Variants in PPP1R12A observed in about 807,000 individuals in gnomAD.
PPP1R12A encodes the protein protein phosphatase 1 regulatory subunit 12A, also known as myosin binding subunit.
PPP1R12A carries 19 observed loss-of-function variants against 139.6 expected under a neutral mutation model. That is an observed-to-expected ratio of 0.14 (90% CI 0.09 to 0.20). The LOEUF is 0.20. Ranked by LOEUF, PPP1R12A falls within the 10% of genes least tolerant of loss-of-function variation. PPP1R12A has a pLI of 1.00. For missense variants in PPP1R12A, 925 were observed against 1,211.5 expected, an observed-to-expected ratio of 0.76 and a Z score of 3.51; for synonymous variants, 427 against 420.6, an observed-to-expected ratio of 1.02 and a Z score of -0.19.
intron 1 of PPP1R12A, among the ~76,000 whole-genome samples, chr12:79,886,633 A>T (rs1234542179): frequency 6.6e-6 from 1 of 152,180 alleles, no homozygotes; most frequent in Non-Finnish European, 1.5e-5. Context: ...AGAGATCACA[A>T]TATATATTTG....
In PPP1R12A at chr12:79,817,472, A is replaced by G. The variant is rs1438502231; in HGVS notation, c.1161T>C (p.Ser387=). The G allele has an allele frequency of 6.2e-7, 1 of 1,607,210 alleles. No homozygotes were observed. Among genetic ancestry groups the G allele is most frequent in the Non-Finnish European group, 8.5e-7 (1 of 1,176,034 alleles). The change falls in exon 9 of 25, where the codon AGT becomes AGC. Residue 387 remains serine (S), a synonymous_variant. Transcript: ENST00000450142. ...TAACAGCTACAGGAGCTGCTTGTGT[A>G]CTAGAAGTGTTGGCATTAGTTACAG... ...LASVTNANTS[S]TQAAPVAVTT...
At chr12:79,890,964 C>T (rs2137424141) in intron 1 of PPP1R12A, among the ~76,000 whole-genome samples, 1 of 149,314 alleles carries the variant, frequency 6.7e-6, no homozygotes, top group East Asian at 2.0e-4. Flanking sequence ...CTCTCTCTCT[C>T]TTTCTCTCTC....
At chr12:79,845,193 T>C in intron 3 of PPP1R12A, 109 bp downstream of exon 3, 2 of 811,446 alleles carry the variant, frequency 2.5e-6, no homozygotes, top group Non-Finnish European at 3.9e-6. Flanking sequence ...GCTGAATTCA[T>C]TTTTTTCATG....
At chr12:79,925,299 T>C (rs1887753160) in intron 1 of PPP1R12A, among the ~76,000 whole-genome samples, 1 of 152,148 alleles carries the variant, frequency 6.6e-6, no homozygotes, top group Non-Finnish European at 1.5e-5. Context: ...CATGAAAATA[T>C]ACTTTCCCAC....
chr12:79,934,716 G>A lies in PPP1R12A; in HGVS notation c.216C>T (p.Asp72=). 1.3e-6 allele frequency: 2 copies of A among 1,546,384 alleles called. No homozygotes were observed. Among genetic ancestry groups the A allele is most frequent in the South Asian group, 1.2e-5 (1 of 83,678 alleles). The part of the protein sequence containing the change: ...RGADINYANV[D]GLTALHQACI... ...AGACCTGGTGCAGGGCAGTGAGTCC[G>A]TCCACATTGGCGTAATTGATGTCGG... is the stretch of plus-strand genomic sequence containing the variant. Residue 72 remains aspartate (D), a synonymous_variant, in exon 1 of 25, where the codon GAC becomes GAT. Coordinates refer to ENST00000450142, the MANE Select transcript of PPP1R12A (RefSeq NM_002480.3).
At chr12:79,823,704 C>G (rs1257680834) in intron 5 of PPP1R12A, 1 of 152,262 alleles carries the variant, frequency 6.6e-6, no homozygotes, top group African/African-American at 2.4e-5. Flanking sequence ...AGGTGATCCT[C>G]CCACTTCAGC....
upstream of PPP1R12A, chr12:79,935,369 G>T (rs1888590103): frequency 7.0e-6 from 7 of 999,566 alleles, no homozygotes; most frequent in South Asian, 2.6e-4. Flanking sequence ...AGGAGGAAGC[G>T]GGGAAGGAAG....
At position 79,861,017 on chromosome 12, in the gene PPP1R12A, A is replaced by C. The variant is rs1183656303; in HGVS notation, c.368+11791T>G. 3.9e-5 allele frequency among the ~76,000 whole-genome samples: 6 copies of C among 152,310 alleles called. No individual in the cohort carries two copies. In the East Asian group the frequency reaches 1.2e-3, roughly 29 times the overall value. ...CAGGTTAGAAGAAGTTAAAGAAAAAAACACTTTGGTGCTGATTTCGACCTG... is the reference window on the plus strand; with the variant it reads ...CAGGTTAGAAGAAGTTAAAGAAAAACACACTTTGGTGCTGATTTCGACCTG... On this transcript the variant is annotated intron_variant, in intron 2 of 24. Coordinates refer to ENST00000450142, the MANE Select transcript of PPP1R12A (RefSeq NM_002480.3).
intron 19 of PPP1R12A, among the ~76,000 whole-genome samples, chr12:79,791,706 G>A (rs1340196595): frequency 6.6e-6 from 1 of 152,144 alleles, no homozygotes; most frequent in Non-Finnish European, 1.5e-5. Context: ...ATTTTTTAGA[G>A]TATATAGTTC....
At chr12:79,920,037 C>T (rs1887316716) in intron 1 of PPP1R12A, among the ~76,000 whole-genome samples, 1 of 152,204 alleles carries the variant, frequency 6.6e-6, no homozygotes, top group South Asian at 2.1e-4. Flanking sequence ...CCCCTCAACA[C>T]CTCTAGTTTC....
intron 1 of PPP1R12A, among the ~76,000 whole-genome samples, chr12:79,899,742 T>C (rs1456813645): frequency 6.6e-6 from 1 of 152,006 alleles, no homozygotes; most frequent in Non-Finnish European, 1.5e-5. Flanking sequence ...ACATAAGGAG[T>C]GGAATTTCTC....
Position 79,892,247 on chromosome 12 carries a change from T to C in PPP1R12A, c.238-19309A>G, listed in dbSNP as rs115880386. The stretch of plus-strand genomic sequence containing the variant: ...AGTTACCTAAACTTAGTCCTCTCTC[T>C]CCACTTGCACAAATTCAAAGCTCTA... On this transcript the variant is annotated intron_variant, in intron 1 of 24. Transcript: ENST00000450142. Among the ~76,000 whole-genome samples, 533 of 152,298 alleles carry C rather than the reference T, an allele frequency of 3.5e-3. 3 individuals are homozygous for C. Among genetic ancestry groups the C allele is most frequent in the African/African-American group, 0.013 (520 of 41,564 alleles).
chr12:79,799,401 C>T (rs1047877884), intron 14 of PPP1R12A, among the ~76,000 whole-genome samples: 6 of 152,152 alleles, frequency 3.9e-5, no homozygotes, highest in Non-Finnish European at 5.9e-5. Flanking sequence ...CTGCCTGTCT[C>T]GACCTCAGAG....
At chr12:79,872,229 GA>G (rs1882651228) in intron 2 of PPP1R12A, among the ~76,000 whole-genome samples, 1 of 151,888 alleles carries the variant, frequency 6.6e-6, no homozygotes, top group Non-Finnish European at 1.5e-5. Flanking sequence ...ATAATTTAAT[GA>G]AAAAATTATT....
At chr12:79,924,025 C>T (rs911113384) in intron 1 of PPP1R12A, among the ~76,000 whole-genome samples, 3 of 151,828 alleles carry the variant, frequency 2.0e-5, no homozygotes, top group African/African-American at 7.3e-5. Context: ...GCCTGGGAGA[C>T]AGAGCAAGAC....
chr12:79,829,665 A>G (rs1455316447), intron 4 of PPP1R12A, among the ~76,000 whole-genome samples: 1 of 152,108 alleles, frequency 6.6e-6, no homozygotes, highest in Admixed American at 6.6e-5. Flanking sequence ...GTCCAAAGAA[A>G]TATCTCCACT....
At chr12:79,896,227 C>T (rs1463474053) in intron 1 of PPP1R12A, among the ~76,000 whole-genome samples, 7 of 151,912 alleles carry the variant, frequency 4.6e-5, no homozygotes, top group Non-Finnish European at 1.0e-4. Context: ...TAAAACATCC[C>T]TAATATTGAC....
chr12:79,833,847 A>AG (rs58316777), intron 3 of PPP1R12A, among the ~76,000 whole-genome samples: 1 of 9,640 alleles, frequency 1.0e-4, no homozygotes, highest in Non-Finnish European at 1.7e-3. Context: ...AAAGAAAAGG[A>AG]AAAAAAAAAA....
intron 1 of PPP1R12A, among the ~76,000 whole-genome samples, chr12:79,877,303 A>G (rs552578699): frequency 1.3e-5 from 2 of 152,348 alleles, no homozygotes; most frequent in East Asian, 3.9e-4. Context: ...TGATAAAAGA[A>G]TACATAGGCA....
Sources: allele counts gnomAD v4.1 joint callset (sites outside exome capture counted in the v4.1 genomes callset), GRCh38; gene constraint gnomAD v4.1.1; transcripts MANE v1.5; gene names NCBI Gene and HGNC (gene_info 2026-07-23, HGNC 2026-07-21).